Variants in FAM174A observed in about 807,000 individuals in gnomAD.
FAM174A encodes membrane protein FAM174A.
In FAM174A, 14 loss-of-function variants were observed where a neutral mutation model predicts 14.3. The observed-to-expected ratio is 0.98, with a 90% CI of 0.65 to 1.53. The LOEUF is 1.53. Among genes scored for constraint, FAM174A ranks in the 40% most tolerant of loss-of-function variants. The pLI, the probability that FAM174A is intolerant of heterozygous loss-of-function variation, is 0.00. For synonymous variants in FAM174A, 108 were observed against 111.4 expected, an observed-to-expected ratio of 0.97 and a Z score of 0.19; for missense variants, 241 against 249.6, an observed-to-expected ratio of 0.97 and a Z score of 0.23.
rs185790452 is a variant in FAM174A at position 100,572,167 on chromosome 5, C to T, written c.569+9979C>T. 2.5e-3 allele frequency among the ~76,000 whole-genome samples: 369 copies of T among 149,350 alleles called. 3 individuals are homozygous for T. Among genetic ancestry groups the T allele is most frequent in the South Asian group, 2.7e-3 (13 of 4,738 alleles). ...TCCTGCTTAAGGAAGTTATATTAAT[C>T]TGTGTAATTAAATGTAGTAAAGTTG... On this transcript the variant is annotated intron_variant, in intron 2 of 2. Coordinates refer to ENST00000312637, the MANE Select transcript of FAM174A (RefSeq NM_198507.3).
intron 2 of FAM174A, among the ~76,000 whole-genome samples, chr5:100,568,083 A>G (rs188106364): frequency 2.6e-4 from 39 of 152,106 alleles, no homozygotes; most frequent in Admixed American, 1.9e-3. Context: ...ACCAGTCAGC[A>G]TTGACATTCT....
chr5:100,538,226 A>G (rs547505096), intron 1 of FAM174A, among the ~76,000 whole-genome samples: 1 of 152,238 alleles, frequency 6.6e-6, no homozygotes, highest in South Asian at 2.1e-4. Flanking sequence ...GTGAATGCTC[A>G]TTTTGGCTCC....
In FAM174A at chr5:100,583,510, C is replaced by T. The variant is rs552509474; in HGVS notation, c.570-2671C>T. Among the ~76,000 whole-genome samples, 15 of 152,272 alleles carry T rather than the reference C, an allele frequency of 9.9e-5. No individual in the cohort carries two copies. In the South Asian group the frequency reaches 2.9e-3, roughly 29 times the overall value. ...GGTACAGCTTCTTCTACATCTTCTT[C>T]CTTATCATGTGGCACTGGTTCAGAA... On this transcript the variant is annotated intron_variant, in intron 2 of 2. Transcript: ENST00000312637.
At chr5:100,580,682 A>T (rs1409800303) in intron 2 of FAM174A, among the ~76,000 whole-genome samples, 2 of 152,192 alleles carry the variant, frequency 1.3e-5, no homozygotes, top group Non-Finnish European at 2.9e-5. Context: ...ACCCTTACAG[A>T]CATACCCAGG....
rs117671518 is a variant in FAM174A at position 100,545,976 on chromosome 5, C to A, written c.434+10012C>A. Among the ~76,000 whole-genome samples the A allele has an allele frequency of 7.2e-5, 11 of 152,224 alleles. No homozygotes were observed. The East Asian group carries it at 2.1e-3, about 29-fold the overall frequency. Reference sequence around the variant, plus strand: ...ATTATTTGATAAGTGTTATTTCAGCCTCAACTCTGAGGTGAGTAGATAATT... The same window carrying A: ...ATTATTTGATAAGTGTTATTTCAGCATCAACTCTGAGGTGAGTAGATAATT... On this transcript the variant is annotated intron_variant, in intron 1 of 2. Transcript: ENST00000312637.
intron 2 of FAM174A, among the ~76,000 whole-genome samples, chr5:100,568,182 TTGC>T (rs1335421214): frequency 6.6e-6 from 1 of 151,970 alleles, no homozygotes; most frequent in Admixed American, 6.6e-5. Flanking sequence ...TCATAATTCA[TTGC>T]TGTACTTATT....
chr5:100,545,437 G>A (rs965102776), intron 1 of FAM174A, among the ~76,000 whole-genome samples: 3 of 151,892 alleles, frequency 2.0e-5, no homozygotes, highest in Admixed American at 1.3e-4. Context: ...GAAGAAAGTG[G>A]TATAGAGTTG....
intron 2 of FAM174A, among the ~76,000 whole-genome samples, chr5:100,582,027 A>G (rs946527889): frequency 2.0e-5 from 3 of 152,170 alleles, no homozygotes; most frequent in African/African-American, 7.2e-5. Flanking sequence ...TCAGGGTCTC[A>G]TATATAGTCA....
chr5:100,567,227 T>G (rs1215711836), intron 2 of FAM174A, among the ~76,000 whole-genome samples: 1 of 151,886 alleles, frequency 6.6e-6, no homozygotes, highest in African/African-American at 2.4e-5. Flanking sequence ...TTCTTTAATA[T>G]ATATCTAAAT....
intron 2 of FAM174A, among the ~76,000 whole-genome samples, chr5:100,564,411 T>G (rs1050142497): frequency 5.3e-5 from 8 of 151,832 alleles, no homozygotes; most frequent in African/African-American, 1.9e-4. Flanking sequence ...TAGCAATAAA[T>G]GCTTATGCTA....
intron 2 of FAM174A, among the ~76,000 whole-genome samples, chr5:100,576,396 C>T (rs1746906574): frequency 6.6e-6 from 1 of 152,108 alleles, no homozygotes; most frequent in South Asian, 2.1e-4. Flanking sequence ...GAGGATCATA[C>T]TAGCAGTTCC....
intron 1 of FAM174A, among the ~76,000 whole-genome samples, chr5:100,553,076 G>A (rs1349373426): frequency 2.0e-5 from 3 of 151,982 alleles, no homozygotes; most frequent in Non-Finnish European, 4.4e-5. Context: ...ACATGTGTGT[G>A]TATAATATAT....
intron 1 of FAM174A, among the ~76,000 whole-genome samples, chr5:100,556,112 T>G (rs1746374091): frequency 6.6e-6 from 1 of 152,208 alleles, no homozygotes; most frequent in South Asian, 2.1e-4. Context: ...CTTGAATTAA[T>G]TTTTGTATAA....
chr5:100,586,225 GA>G lies in FAM174A; in HGVS notation c.*43del. On this transcript the variant is annotated 3_prime_UTR_variant, in exon 3 of 3. Transcript: ENST00000312637. ...TGAAAGAACTTTATCTTTCTACAAT[GA>G]AGAGTGGAATTTCTATGTTTAAGGA... is the stretch of plus-strand genomic sequence containing the variant. The G allele has an allele frequency of 7.2e-7, 1 of 1,389,192 alleles. No homozygotes were observed. Among genetic ancestry groups the G allele is most frequent in the Non-Finnish European group, 9.9e-7 (1 of 1,009,134 alleles). 86.1% of individuals were successfully genotyped at this position (1,389,192 alleles called of 1,614,324 possible).
intron 2 of FAM174A, among the ~76,000 whole-genome samples, chr5:100,578,969 T>G (rs1468078851): frequency 6.6e-6 from 1 of 152,240 alleles, no homozygotes; most frequent in African/African-American, 2.4e-5. Flanking sequence ...TTTATGAAGC[T>G]TAGCAGCATG....
intron 1 of FAM174A, among the ~76,000 whole-genome samples, chr5:100,547,664 C>A (rs1227793098): frequency 1.3e-5 from 2 of 152,048 alleles, no homozygotes; most frequent in African/African-American, 4.8e-5. Context: ...GCTGATAGAA[C>A]CCGCCTGAAA....
intron 1 of FAM174A, among the ~76,000 whole-genome samples, chr5:100,561,436 A>G (rs1746519864): frequency 6.6e-6 from 1 of 151,996 alleles, no homozygotes; most frequent in Non-Finnish European, 1.5e-5. Context: ...CCACACTGCA[A>G]GAACCACTGA....
rs117443791 is a variant in FAM174A at position 100,539,287 on chromosome 5, A to G, written c.434+3323A>G. ...ATTTCTGCTTCTATAACACTTATAT[A>G]CTAGAGGAGCAGAGGGGCATTAACC... On this transcript the variant is annotated intron_variant, in intron 1 of 2. Coordinates refer to ENST00000312637, the MANE Select transcript of FAM174A (RefSeq NM_198507.3). Among the ~76,000 whole-genome samples the G allele has an allele frequency of 1.8e-4, 27 of 152,284 alleles. No homozygotes were observed. In the East Asian group the frequency reaches 4.6e-3, roughly 26 times the overall value.
rs35769321 is a variant in FAM174A at position 100,575,629 on chromosome 5, G to A, written c.570-10552G>A. Among the ~76,000 whole-genome samples the A allele has an allele frequency of 3.3e-3, 499 of 152,206 alleles. 1 individual carries two copies. Among genetic ancestry groups the A allele is most frequent in the Non-Finnish European group, 5.3e-3 (362 of 68,014 alleles). On this transcript the variant is annotated intron_variant, in intron 2 of 2. Coordinates refer to ENST00000312637, the MANE Select transcript of FAM174A (RefSeq NM_198507.3). ...CATTCAGGACATAGGCATGGGCAAG[G>A]ACTTCATGTCGAAAACACCAAAAGC...
Sources: allele counts gnomAD v4.1 joint callset (sites outside exome capture counted in the v4.1 genomes callset), GRCh38; gene constraint gnomAD v4.1.1; transcripts MANE v1.5; gene names NCBI Gene and HGNC (gene_info 2026-07-23, HGNC 2026-07-21).